Variants in CNOT2 observed in about 807,000 individuals in gnomAD.
CNOT2 encodes CC chemokine receptor 4-negative regulator of transcription 2.
In CNOT2, 7 loss-of-function variants were observed where a neutral mutation model predicts 72.1. That is an observed-to-expected ratio of 0.10 (90% CI 0.06 to 0.18). The LOEUF is 0.18. CNOT2 is among the 10% of genes least tolerant of loss of function. The probability of loss-of-function intolerance (pLI) is 1.00; values close to 1 mark genes in which losing one functional copy is unlikely to be tolerated. For missense variants in CNOT2, 345 were observed against 660.3 expected, an observed-to-expected ratio of 0.52 and a Z score of 5.23; for synonymous variants, 196 against 225.6, an observed-to-expected ratio of 0.87 and a Z score of 1.17.
At chr12:70,257,728 G>A (rs1013120522) in intron 1 of CNOT2, among the ~76,000 whole-genome samples, 8 of 151,892 alleles carry the variant, frequency 5.3e-5, no homozygotes, top group Non-Finnish European at 7.4e-5. Flanking sequence ...TAGCTATTAC[G>A]CTAAAAAAAT....
chr12:70,245,362 T>C (rs1259217762), intron 1 of CNOT2, among the ~76,000 whole-genome samples: 3 of 152,218 alleles, frequency 2.0e-5, no homozygotes, highest in African/African-American at 7.2e-5. Flanking sequence ...TTCTGAGAGC[T>C]TGAATTGTAA....
chr12:70,353,635 C>T (rs1044117986), intron 15 of CNOT2, among the ~76,000 whole-genome samples, 194 bp from the exon 16 acceptor site: 2 of 151,848 alleles, frequency 1.3e-5, no homozygotes, highest in African/African-American at 4.8e-5. Flanking sequence ...ATTTTTTGTA[C>T]TCATTGGTTA....
At chr12:70,343,836 A>C in intron 13 of CNOT2, 1 of 258,938 alleles carries the variant, frequency 3.9e-6, no homozygotes. Context: ...CCCATTGGGT[A>C]TTAAATCCTT....
At chr12:70,246,302 T>A (rs1250743174) in intron 1 of CNOT2, among the ~76,000 whole-genome samples, 1 of 152,172 alleles carries the variant, frequency 6.6e-6, no homozygotes, top group Non-Finnish European at 1.5e-5. Context: ...ATGTGCTTGC[T>A]TGAATAGGCA....
chr12:70,318,958 T>C (rs1036869673), intron 3 of CNOT2: 4 of 168,188 alleles, frequency 2.4e-5, no homozygotes, highest in African/African-American at 9.6e-5. Flanking sequence ...TGCCATGAAG[T>C]TCACATCACA....
intron 3 of CNOT2, among the ~76,000 whole-genome samples, chr12:70,311,467 A>C (rs1565799587): frequency 6.6e-6 from 1 of 151,994 alleles, no homozygotes; most frequent in Non-Finnish European, 1.5e-5. Context: ...CCTCAGGTGT[A>C]TCTCTCCTCT....
intron 6 of CNOT2, chr12:70,331,421 TCTTTATCATAA>T (rs1879922831): frequency 6.6e-6 from 1 of 151,902 alleles, no homozygotes; most frequent in Non-Finnish European, 1.5e-5. Flanking sequence ...TAACCTTATA[TCTTTATCATAA>T]CTTTATCATA....
chr12:70,342,930 T>G (rs1288323364), intron 13 of CNOT2, among the ~76,000 whole-genome samples: 1 of 152,162 alleles, frequency 6.6e-6, no homozygotes, highest in African/African-American at 2.4e-5. Flanking sequence ...TATTTGTGTA[T>G]AAATATCTAT....
rs1478038212 is a variant in CNOT2 at position 70,319,336 on chromosome 12, G to A, written c.210G>A (p.Gln70=). The part of the protein sequence containing the change: ...ASPSTSGQLS[Q]FGASLYGQQS... ...CATCTACATCAGGTCAGCTGTCTCA[G>A]TTTGGGGCAAGTTTATACGGGCAAC... Residue 70 remains glutamine (Q), a synonymous_variant, in exon 4 of 16, where the codon CAG becomes CAA. Transcript: ENST00000229195. The A allele has an allele frequency of 1.9e-6, 3 of 1,610,654 alleles. No individual in the cohort carries two copies. Among genetic ancestry groups the A allele is most frequent in the Non-Finnish European group, 2.5e-6 (3 of 1,177,702 alleles).
At chr12:70,296,765 C>CA in intron 2 of CNOT2, among the ~76,000 whole-genome samples, 1 of 148,742 alleles carries the variant, frequency 6.7e-6, no homozygotes, top group East Asian at 2.0e-4. Context: ...AAGCCCCCCC[C>CA]CCTTTTTAAA....
At chr12:70,328,460 A>G (rs776243039) in intron 4 of CNOT2, among the ~76,000 whole-genome samples, 1 of 151,944 alleles carries the variant, frequency 6.6e-6, no homozygotes, top group Non-Finnish European at 1.5e-5. Flanking sequence ...AGTGTGGGTC[A>G]GGAAGATGGA....
At chr12:70,260,307 C>G (rs1461334399) in intron 1 of CNOT2, among the ~76,000 whole-genome samples, 1 of 151,572 alleles carries the variant, frequency 6.6e-6, no homozygotes, top group Admixed American at 6.6e-5. Flanking sequence ...ACTTTAATTT[C>G]TTTTAAGAAT....
At chr12:70,253,947 TAATAA>T (rs908803257) in intron 1 of CNOT2, among the ~76,000 whole-genome samples, 7 of 152,014 alleles carry the variant, frequency 4.6e-5, no homozygotes, top group African/African-American at 1.7e-4. Context: ...CAATAGCTAA[TAATAA>T]AATAGGCCAG....
chr12:70,343,103 TC>T (rs778567744), intron 13 of CNOT2, among the ~76,000 whole-genome samples: 49 of 152,148 alleles, frequency 3.2e-4, no homozygotes, highest in Non-Finnish European at 5.7e-4. Context: ...TCTCCTATTT[TC>T]TATTTGCGGA....
chr12:70,342,341 T>G, intron 13 of CNOT2, 34 bp downstream of exon 13: 2 of 1,606,138 alleles, frequency 1.2e-6, no homozygotes, highest in Non-Finnish European at 8.5e-7. Flanking sequence ...TCAGTCAGCA[T>G]GAATTTATCT....
chr12:70,279,309 C>CCATATA (rs1869413972), intron 2 of CNOT2, among the ~76,000 whole-genome samples: 1 of 152,166 alleles, frequency 6.6e-6, no homozygotes, highest in African/African-American at 2.4e-5. Context: ...AACAAAGAGG[C>CCATATA]TTTGATTATA....
At chr12:70,279,725 G>A (rs1410085837) in intron 2 of CNOT2, among the ~76,000 whole-genome samples, 1 of 152,152 alleles carries the variant, frequency 6.6e-6, no homozygotes, top group Non-Finnish European at 1.5e-5. Context: ...TGTGAATGTA[G>A]AATTTTTATG....
chr12:70,273,544 C>T (rs895094442), intron 1 of CNOT2, among the ~76,000 whole-genome samples: 4 of 152,064 alleles, frequency 2.6e-5, no homozygotes, highest in Non-Finnish European at 5.9e-5. Context: ...ATGTACTTTT[C>T]GGGCAGCAGG....
At chr12:70,288,601 T>C (rs1871326184) in intron 2 of CNOT2, among the ~76,000 whole-genome samples, 1 of 152,218 alleles carries the variant, frequency 6.6e-6, no homozygotes, top group African/African-American at 2.4e-5. Context: ...GGTTCAGCTG[T>C]ACACTTAAAA....
Sources: gnomAD v4.1 joint callset for allele counts (sites outside exome capture counted in the v4.1 genomes callset) on GRCh38, gnomAD v4.1.1 for gene constraint, MANE v1.5 for transcripts, NCBI Gene and HGNC (gene_info 2026-07-23, HGNC 2026-07-21) for gene names.